Variants in ANKRD6 observed in about 807,000 individuals in gnomAD.
The protein encoded by ANKRD6 is ankyrin repeat domain 6, also known as ankyrin repeat domain-containing protein 6.
ANKRD6 carries 56 observed loss-of-function variants against 82.3 expected under a neutral mutation model. The observed-to-expected ratio is 0.68, with a 90% CI of 0.55 to 0.85. The LOEUF (loss-of-function observed/expected upper bound fraction) is 0.85, where lower values mean the gene tolerates loss of function less well. Ranked by LOEUF, ANKRD6 falls within the 40% of genes least tolerant of loss-of-function variation. The probability of loss-of-function intolerance (pLI) is 0.00; values close to 1 mark genes in which losing one functional copy is unlikely to be tolerated. For missense variants in ANKRD6, 852 were observed against 907.6 expected, an observed-to-expected ratio of 0.94 and a Z score of 0.79; for synonymous variants, 347 against 352.1, an observed-to-expected ratio of 0.99 and a Z score of 0.16.
At chr6:89,504,140 G>A (rs974761821) in intron 1 of ANKRD6, among the ~76,000 whole-genome samples, 4 of 110,770 alleles carry the variant, frequency 3.6e-5, no homozygotes, top group African/African-American at 1.4e-4. Context: ...GGGGCGGGGG[G>A]TGGGGGGGAA....
At chr6:89,455,145 G>T (rs1171210547) in intron 1 of ANKRD6, among the ~76,000 whole-genome samples, 1 of 142,344 alleles carries the variant, frequency 7.0e-6, no homozygotes, top group Admixed American at 7.2e-5. Context: ...CACCCAGTGT[G>T]TGTGTGTTTT....
intron 1 of ANKRD6, among the ~76,000 whole-genome samples, chr6:89,447,273 C>A (rs974285982): frequency 6.6e-6 from 1 of 151,970 alleles, no homozygotes; most frequent in African/African-American, 2.4e-5. Flanking sequence ...GGGAGGGGGG[C>A]CACTCCACTG....
intron 1 of ANKRD6, among the ~76,000 whole-genome samples, chr6:89,488,871 T>TTCTAG (rs1777684899): frequency 1.3e-5 from 1 of 79,550 alleles, no homozygotes; most frequent in African/African-American, 5.9e-5. Context: ...TATCGATCTA[T>TTCTAG]TCTATTCTAT....
intron 9 of ANKRD6, among the ~76,000 whole-genome samples, chr6:89,619,394 A>G (rs1298265238): frequency 6.6e-6 from 1 of 152,160 alleles, no homozygotes. Flanking sequence ...CCCCACCCTC[A>G]GCCATACAAA....
intron 1 of ANKRD6, among the ~76,000 whole-genome samples, chr6:89,488,905 A>C (rs896076737): frequency 1.3e-5 from 2 of 151,814 alleles, no homozygotes; most frequent in East Asian, 2.0e-4. Context: ...ATTCTATTCT[A>C]TTCTATTCTA....
At chr6:89,481,815 C>T (rs1776847936) in intron 1 of ANKRD6, among the ~76,000 whole-genome samples, 1 of 152,096 alleles carries the variant, frequency 6.6e-6, no homozygotes, top group Non-Finnish European at 1.5e-5. Context: ...ACTGATAGCA[C>T]TGGTACTGGT....
At chr6:89,477,698 G>C (rs923613937) in intron 1 of ANKRD6, among the ~76,000 whole-genome samples, 6 of 151,570 alleles carry the variant, frequency 4.0e-5, no homozygotes, top group Non-Finnish European at 5.9e-5. Context: ...ATGAACCCGG[G>C]GGGTGGAGCT....
At chr6:89,573,042 C>T (rs1174610229) in intron 2 of ANKRD6, among the ~76,000 whole-genome samples, 6 of 152,046 alleles carry the variant, frequency 3.9e-5, no homozygotes, top group Non-Finnish European at 7.4e-5. Flanking sequence ...CTCACTGCAG[C>T]CTTAACCTCC....
chr6:89,584,481 A>G (rs1252598736), intron 2 of ANKRD6, among the ~76,000 whole-genome samples: 1 of 152,154 alleles, frequency 6.6e-6, no homozygotes, highest in Admixed American at 6.5e-5. Context: ...TTGTCGGGAC[A>G]CTGAAAATTC....
At chr6:89,575,638 C>T (rs1183105093) in intron 2 of ANKRD6, among the ~76,000 whole-genome samples, 1 of 152,068 alleles carries the variant, frequency 6.6e-6, no homozygotes, top group Non-Finnish European at 1.5e-5. Flanking sequence ...TGGGATTGTA[C>T]TTGTATAAAA....
chr6:89,544,386 C>G (rs1346765138), intron 1 of ANKRD6, among the ~76,000 whole-genome samples: 1 of 152,230 alleles, frequency 6.6e-6, no homozygotes, highest in Non-Finnish European at 1.5e-5. Flanking sequence ...CCTCATCACC[C>G]TCCCCTTTCC....
chr6:89,621,653 A>T (rs1803355175), intron 9 of ANKRD6: 5 of 417,814 alleles, frequency 1.2e-5, no homozygotes, highest in Middle Eastern at 1.3e-3. Flanking sequence ...GTCCCGGCCC[A>T]GCATCAGTGT....
intron 2 of ANKRD6, among the ~76,000 whole-genome samples, chr6:89,578,130 C>T (rs924932079): frequency 3.3e-5 from 5 of 152,222 alleles, no homozygotes; most frequent in African/African-American, 7.2e-5. Context: ...GGAGACCATA[C>T]GGTGTGATCT....
intron 1 of ANKRD6, among the ~76,000 whole-genome samples, chr6:89,440,575 T>G (rs985587985): frequency 6.6e-6 from 1 of 152,204 alleles, no homozygotes; most frequent in Admixed American, 6.5e-5. Flanking sequence ...AAAATAATCC[T>G]TATGCCAAAG....
chr6:89,540,803 A>G (rs1324417429), intron 1 of ANKRD6, among the ~76,000 whole-genome samples: 1 of 152,214 alleles, frequency 6.6e-6, no homozygotes, highest in Non-Finnish European at 1.5e-5. Context: ...TGATTTTTGA[A>G]TATGGCAAGA....
intron 1 of ANKRD6, among the ~76,000 whole-genome samples, chr6:89,484,053 G>C (rs1346352709): frequency 6.6e-6 from 1 of 152,008 alleles, no homozygotes; most frequent in African/African-American, 2.4e-5. Context: ...TTACAGGTGT[G>C]CCCACCACCA....
At chr6:89,570,630 A>G (rs1179459133) in intron 2 of ANKRD6, among the ~76,000 whole-genome samples, 1 of 152,214 alleles carries the variant, frequency 6.6e-6, no homozygotes, top group Non-Finnish European at 1.5e-5. Context: ...CCGCACCTCA[A>G]ATAAGTGGAA....
chr6:89,474,106 A>AAAAACAAAACAAAACAAAAC (rs61656053), intron 1 of ANKRD6, among the ~76,000 whole-genome samples: 2 of 150,450 alleles, frequency 1.3e-5, no homozygotes, highest in African/African-American at 4.9e-5. Flanking sequence ...CCTGTCTCAA[A>AAAAACAAAACAAAACAAAAC]AAAACAAAAC....
chr6:89,554,009 G>A (rs1163859995), intron 1 of ANKRD6, among the ~76,000 whole-genome samples: 1 of 152,186 alleles, frequency 6.6e-6, no homozygotes, highest in Admixed American at 6.5e-5. Context: ...TGGCCCTAAA[G>A]ATGGGGGGGT....
Sources: gnomAD v4.1 joint callset for allele counts (sites outside exome capture counted in the v4.1 genomes callset) on GRCh38, gnomAD v4.1.1 for gene constraint, MANE v1.5 for transcripts, NCBI Gene and HGNC (gene_info 2026-07-23, HGNC 2026-07-21) for gene names.